SLCO1B3: variants seen among roughly 807,000 people sequenced by gnomAD.
SLCO1B3 encodes the protein liver-specific organic anion transporter 2.
A neutral mutation model predicts 71.8 loss-of-function variants in SLCO1B3; 72 were observed. That is an observed-to-expected ratio of 1.00 (90% confidence interval 0.83 to 1.22). SLCO1B3 has a LOEUF of 1.22. SLCO1B3 is among the 50% of genes most tolerant of loss of function. The probability of loss-of-function intolerance (pLI) is 0.00; values close to 1 mark genes in which losing one functional copy is unlikely to be tolerated. For synonymous variants in SLCO1B3, 298 were observed against 278.4 expected (o/e 1.07, Z -0.70); for missense variants, 911 against 819.7 (o/e 1.11, Z -1.36).
At chr12:20,886,054 G>C (rs1210968710) in intron 13 of SLCO1B3, among the ~76,000 whole-genome samples, 1 of 152,030 alleles carries the variant, frequency 6.6e-6, no homozygotes, top group Admixed American at 6.6e-5. Context: ...GTTTTGTTTT[G>C]TTTTCTAAGG....
intron 3 of SLCO1B3, among the ~76,000 whole-genome samples, chr12:20,831,578 T>A (rs1461122570): frequency 1.3e-5 from 2 of 152,206 alleles, no homozygotes; most frequent in East Asian, 3.8e-4. Context: ...TGCATTTCTG[T>A]GCCTACTTTG....
chr12:20,829,107 A>T (rs1864486771), intron 3 of SLCO1B3, among the ~76,000 whole-genome samples: 1 of 152,238 alleles, frequency 6.6e-6, no homozygotes, highest in African/African-American at 2.4e-5. Flanking sequence ...GTCAAACCTA[A>T]CGGGAAAAAG....
chr12:20,813,205 A>G (rs1181940567), intron 1 of SLCO1B3, among the ~76,000 whole-genome samples: 1 of 152,232 alleles, frequency 6.6e-6, no homozygotes, highest in South Asian at 2.1e-4. Context: ...TGCATGATAT[A>G]TATTTATGGT....
intron 3 of SLCO1B3, among the ~76,000 whole-genome samples, chr12:20,825,443 G>A (rs565395439): frequency 2.6e-5 from 4 of 151,984 alleles, no homozygotes; most frequent in East Asian, 3.9e-4. Context: ...CTGGTGTTAC[G>A]GTTTAAGATT....
intron 8 of SLCO1B3, among the ~76,000 whole-genome samples, chr12:20,863,210 G>A (rs1865305254): frequency 1.3e-5 from 2 of 152,022 alleles, no homozygotes; most frequent in Non-Finnish European, 2.9e-5. Context: ...AGATGTTGAT[G>A]TTTGCTTTGC....
intron 4 of SLCO1B3, among the ~76,000 whole-genome samples, chr12:20,857,014 C>T (rs1365656429): frequency 6.6e-6 from 1 of 152,030 alleles, no homozygotes; most frequent in Non-Finnish European, 1.5e-5. Flanking sequence ...AAGCCCTTGC[C>T]TGTTGGAATA....
At chr12:20,870,592 T>A (rs1158711733) in intron 8 of SLCO1B3, among the ~76,000 whole-genome samples, 1 of 152,136 alleles carries the variant, frequency 6.6e-6, no homozygotes, top group East Asian at 1.9e-4. Context: ...GAGAAACAAT[T>A]ATTTCACTAT....
intron 3 of SLCO1B3, among the ~76,000 whole-genome samples, chr12:20,841,373 G>T (rs980374069): frequency 1.1e-4 from 16 of 152,038 alleles, no homozygotes; most frequent in African/African-American, 3.1e-4. Context: ...CTTATCTCAT[G>T]TCTTATCAGT....
Position 20,873,486 on chromosome 12 carries a change from G to T in SLCO1B3, c.728-1749G>T, listed in dbSNP as rs1350131527. 2.6e-5 allele frequency among the ~76,000 whole-genome samples: 4 copies of T among 152,162 alleles called. No homozygotes were observed. The East Asian group carries it at 7.7e-4, about 29-fold the overall frequency. On this transcript the variant is annotated intron_variant, in intron 8 of 15. Coordinates refer to ENST00000381545, the MANE Select transcript of SLCO1B3 (RefSeq NM_019844.4). Reference sequence around the variant, plus strand: ...GTCTGGCATATGCTGGGTCCTCTCAGTACTTCGAGACAGATGAGATAGAAG... The same window carrying T: ...GTCTGGCATATGCTGGGTCCTCTCATTACTTCGAGACAGATGAGATAGAAG...
Position 20,818,752 on chromosome 12 carries a change from G to A in SLCO1B3, c.84+2930G>A, listed in dbSNP as rs202227425. Among the ~76,000 whole-genome samples the A allele has an allele frequency of 2.5e-4, 38 of 150,754 alleles. No individual in the cohort carries two copies. In the East Asian group the frequency reaches 5.1e-3, roughly 20 times the overall value. On this transcript the variant is annotated intron_variant, in intron 3 of 15. Coordinates refer to ENST00000381545, the MANE Select transcript of SLCO1B3 (RefSeq NM_019844.4). ...TGGTGTGTGGTGATTAGGCCTGGTG[G>A]AACTGCCATCAATAAATCAAGCGTG...
intron 4 of SLCO1B3, among the ~76,000 whole-genome samples, chr12:20,856,703 G>T (rs1199628480): frequency 6.6e-6 from 1 of 152,254 alleles, no homozygotes; most frequent in Non-Finnish European, 1.5e-5. Flanking sequence ...GGGATTAGAG[G>T]CGTGTGCCAC....
At chr12:20,857,326 T>A (rs1007981365) in intron 4 of SLCO1B3, among the ~76,000 whole-genome samples, 1 of 152,062 alleles carries the variant, frequency 6.6e-6, no homozygotes, top group African/African-American at 2.4e-5. Flanking sequence ...AAACTTTATT[T>A]TCTGTTTCCT....
At chr12:20,851,651 A>C (rs1349236809) in intron 3 of SLCO1B3, among the ~76,000 whole-genome samples, 1 of 152,086 alleles carries the variant, frequency 6.6e-6, no homozygotes, top group Non-Finnish European at 1.5e-5. Context: ...TTATGTGCAG[A>C]GGTCTTTAAG....
Position 20,880,318 on chromosome 12 carries a change from C to T in SLCO1B3, c.1332-537C>T, listed in dbSNP as rs540164333. The stretch of plus-strand genomic sequence containing the variant: ...ATTCTATTATTCTTGATTTTTTATT[C>T]CTCAGAGGTTTGGTTTTAACTACAT... On this transcript the variant is annotated intron_variant, in intron 11 of 15. Coordinates refer to ENST00000381545, the MANE Select transcript of SLCO1B3 (RefSeq NM_019844.4). 2.0e-5 allele frequency among the ~76,000 whole-genome samples: 3 copies of T among 151,292 alleles called. No individual in the cohort carries two copies. In the East Asian group the frequency reaches 5.8e-4, roughly 29 times the overall value.
chr12:20,905,998 A>C (rs1251048292), intron 15 of SLCO1B3, among the ~76,000 whole-genome samples: 1 of 152,166 alleles, frequency 6.6e-6, no homozygotes, highest in African/African-American at 2.4e-5. Flanking sequence ...GAAAGTGTAA[A>C]AAGGGAAGGA....
chr12:20,811,927 G>A (rs1335595620), intron 1 of SLCO1B3, among the ~76,000 whole-genome samples: 1 of 73,626 alleles, frequency 1.4e-5, no homozygotes, highest in African/African-American at 4.1e-5. Flanking sequence ...TTTTTTTTGA[G>A]AAGGAGTTTC....
rs150998576 is a variant in SLCO1B3, at chr12:20,883,530, A to G, written c.1610A>G (p.Tyr537Cys). Residue 537 changes from tyrosine (Y) to cysteine (C), a missense_variant, in exon 13 of 16, where the codon TAT becomes TGT. By Grantham distance (194) the Tyr-to-Cys change is radical (BLOSUM62 -2). Coordinates refer to ENST00000381545, the MANE Select transcript of SLCO1B3 (RefSeq NM_019844.4). The part of the protein sequence containing the change: ...DNTCTRKFFI[Y>C]VAIQVINSLF... The stretch of plus-strand genomic sequence containing the variant: ...ACTTGTACAAGGAAATTTTTCATCT[A>G]TGTTGCAATTCAAGTCATAAACTCT... 515 of 1,605,350 alleles carry G rather than the reference A, an allele frequency of 3.2e-4. 3 individuals are homozygous for G. Among genetic ancestry groups the G allele is most frequent in the Middle Eastern group, 1.3e-3 (8 of 6,030 alleles).
intron 13 of SLCO1B3, among the ~76,000 whole-genome samples, chr12:20,887,680 G>A (rs1444135098): frequency 6.6e-6 from 1 of 150,732 alleles, no homozygotes; most frequent in Non-Finnish European, 1.5e-5. Flanking sequence ...TGTATACTCT[G>A]TTGATTATTA....
intron 8 of SLCO1B3, among the ~76,000 whole-genome samples, chr12:20,871,700 TCCCC>T (rs1164220530): frequency 6.6e-6 from 1 of 152,116 alleles, no homozygotes; most frequent in Non-Finnish European, 1.5e-5. Context: ...CTTGTTCTCT[TCCCC>T]TGCTTTCTCC....
Sources: allele counts gnomAD v4.1 joint callset (sites outside exome capture counted in the v4.1 genomes callset), GRCh38; gene constraint gnomAD v4.1.1; transcripts MANE v1.5; gene names NCBI Gene and HGNC (gene_info 2026-07-23, HGNC 2026-07-21).